FAM53A: variants seen among roughly 807,000 people sequenced by gnomAD.
The protein encoded by FAM53A is family with sequence similarity 53 member A.
In FAM53A, 28 loss-of-function variants were observed where a neutral mutation model predicts 26.6. The ratio of observed to expected loss-of-function variants is 1.05; its 90% confidence interval spans 0.78 to 1.45. The LOEUF (loss-of-function observed/expected upper bound fraction) is 1.45. FAM53A is among the 40% of genes most tolerant of loss of function. FAM53A has a pLI of 0.00. For synonymous variants in FAM53A, 290 were observed against 253.1 expected (o/e 1.15, Z -1.38); for missense variants, 650 against 575.8 (o/e 1.13, Z -1.32).
rs1715582512 is a variant in FAM53A at position 1,630,821 on chromosome 4, C to T, written c.432-12710G>A. On this transcript the variant is annotated intron_variant, in intron 1 of 1. Coordinates refer to the FAM53A transcript ENST00000489029. The surrounding 1 kb of genome is among the most constrained non-coding windows in gnomAD (Gnocchi z 4.3). ...GCGATGGGATAAAATGGTTTGGAAC[C>T]AGAGAGAGGCGGTGTCTGCACCATC... Among the ~76,000 whole-genome samples, 1 of 152,150 alleles carries T rather than the reference C, an allele frequency of 6.6e-6. No individual in the cohort carries two copies. The highest frequency in any genetic ancestry group is 2.4e-5 in the African/African-American group (1 of 41,436).
intron 4 of FAM53A, among the ~76,000 whole-genome samples, chr4:1,652,361 C>G (rs559600215): frequency 1.1e-3 from 160 of 146,580 alleles, no homozygotes; most frequent in African/African-American, 3.6e-3. Flanking sequence ...ACACGTCACA[C>G]GCACAACACA....
intron 3 of FAM53A, among the ~76,000 whole-genome samples, chr4:1,657,156 C>G (rs1023578128): frequency 1.3e-5 from 2 of 152,222 alleles, no homozygotes; most frequent in Non-Finnish European, 2.9e-5. Flanking sequence ...TGGGCCCCAC[C>G]AGCTGAGGAG....
chr4:1,659,143 G>A lies in FAM53A; in HGVS notation c.76-1675C>T, dbSNP rs150554346. ...GGGGTCCCACCTCAGCCAGCACGGC[G>A]GTGTGGAGCTGTGAGCACCCGGCCA... On this transcript the variant is annotated intron_variant, in intron 2 of 4. Transcript: ENST00000308132. This position sits in a 1 kb window ranked among gnomAD's most constrained non-coding sequence, Gnocchi z 5.2. Among the ~76,000 whole-genome samples, 951 of 152,348 alleles carry A rather than the reference G, an allele frequency of 6.2e-3. 12 individuals carry two copies. Among genetic ancestry groups the A allele is most frequent in the African/African-American group, 0.021 (892 of 41,576 alleles).
chr4:1,647,770 TG>T (rs1436874751), intron 4 of FAM53A, among the ~76,000 whole-genome samples: 1 of 151,744 alleles, frequency 6.6e-6, no homozygotes, highest in Admixed American at 6.6e-5. Flanking sequence ...CACATAAGCG[TG>T]GGGGTGAGTG....
chr4:1,613,223 A>C (rs540442669), downstream of FAM53A, among the ~76,000 whole-genome samples: 13 of 152,324 alleles, frequency 8.5e-5, no homozygotes, highest in South Asian at 1.2e-3. Context: ...ATTTACAAAG[A>C]ACAGAAAGGT....
At chr4:1,596,655 T>C in the FAM53A span, among the ~76,000 whole-genome samples, 1 of 152,132 alleles carries the variant, frequency 6.6e-6, no homozygotes, top group African/African-American at 2.4e-5. Context: ...ACTCACACGG[T>C]GTCCGCCCGC....
the FAM53A span, among the ~76,000 whole-genome samples, chr4:1,586,245 G>C: frequency 6.6e-6 from 1 of 151,934 alleles, no homozygotes; most frequent in Admixed American, 6.6e-5. Flanking sequence ...CCAGGCTGGA[G>C]TGCAGTGGCG....
In FAM53A at chr4:1,626,655, T is replaced by C. The variant is rs1715320110; in HGVS notation, c.432-8544A>G. The stretch of plus-strand genomic sequence containing the variant: ...CAGTGTAAACTCTCAGCCACGGCCA[T>C]GCCCTGAGCCCGGGGGGACCCGGGG... On this transcript the variant is annotated intron_variant, in intron 1 of 1. Transcript: ENST00000489029. Among the ~76,000 whole-genome samples the C allele has an allele frequency of 1.3e-5, 2 of 151,826 alleles. 1 individual carries two copies. Among genetic ancestry groups the C allele is most frequent in the South Asian group, 4.2e-4 (2 of 4,816 alleles).
chr4:1,599,431 G>T, the FAM53A span, among the ~76,000 whole-genome samples: 1 of 152,226 alleles, frequency 6.6e-6, no homozygotes, highest in African/African-American at 2.4e-5. This position sits in a 1 kb window ranked among gnomAD's most constrained non-coding sequence, Gnocchi z 6.1. Context: ...TCGCAGACAA[G>T]GAGACAAGGC....
the FAM53A span, among the ~76,000 whole-genome samples, chr4:1,592,892 T>C: frequency 6.6e-6 from 1 of 151,700 alleles, no homozygotes; most frequent in South Asian, 2.1e-4. Context: ...GAGGGGCGTC[T>C]GCAGGGCACA....
At chr4:1,625,593 G>T (rs1715254667) in intron 1 of FAM53A, among the ~76,000 whole-genome samples, 1 of 80,928 alleles carries the variant, frequency 1.2e-5, no homozygotes, top group Non-Finnish European at 2.5e-5. Flanking sequence ...CAGGTGATCA[G>T]AAGCCCCCAT....
At chr4:1,620,006 G>A (rs1402770134) in intron 1 of FAM53A, among the ~76,000 whole-genome samples, 1 of 151,596 alleles carries the variant, frequency 6.6e-6, no homozygotes, top group African/African-American at 2.4e-5. Flanking sequence ...TCAGGAGTTC[G>A]AGACCAGCCT....
the FAM53A span, among the ~76,000 whole-genome samples, chr4:1,596,722 C>T: frequency 1.3e-5 from 2 of 152,194 alleles, no homozygotes; most frequent in Non-Finnish European, 2.9e-5. Flanking sequence ...CGGGTTGCTT[C>T]CAGATTCCCA....
chr4:1,596,407 C>CT, the FAM53A span, among the ~76,000 whole-genome samples: 3 of 42,056 alleles, frequency 7.1e-5, no homozygotes, highest in East Asian at 5.2e-4. Context: ...CGCCCCCACC[C>CT]ACCTTCCCCA....
chr4:1,676,788 C>A (rs1327734161), intron 1 of FAM53A, among the ~76,000 whole-genome samples: 1 of 152,186 alleles, frequency 6.6e-6, no homozygotes, highest in Non-Finnish European at 1.5e-5. Context: ...CCACACCTCC[C>A]AATACGGCCG....
At chr4:1,580,176 C>T in the FAM53A span, 3 of 152,150 alleles carry the variant, frequency 2.0e-5, no homozygotes, top group Admixed American at 2.0e-4. Context: ...ATTCATGGTC[C>T]CTGTAATGAA....
chr4:1,642,661 G>A lies in FAM53A; in HGVS notation c.883-1054C>T, dbSNP rs545505294. ...AGGGCACCAGCCCCTCAGCACTCCC[G>A]GGCCCCCACCCCCCGCCACCTCCCA... is the stretch of plus-strand genomic sequence containing the variant. On this transcript the variant is annotated intron_variant, in intron 4 of 4. Transcript: ENST00000308132. Among the ~76,000 whole-genome samples, 101 of 151,680 alleles carry A rather than the reference G, an allele frequency of 6.7e-4. No individual in the cohort carries two copies. In the South Asian group the frequency reaches 0.02, roughly 29 times the overall value.
chr4:1,623,751 C>A (rs1715159420), intron 1 of FAM53A, among the ~76,000 whole-genome samples: 1 of 152,268 alleles, frequency 6.6e-6, no homozygotes, highest in Non-Finnish European at 1.5e-5. Flanking sequence ...CGTTACCATA[C>A]ATTCCCGGGG....
At position 1,618,218 on chromosome 4, in the gene FAM53A, C is replaced by T. The variant is rs553323604; in HGVS notation, c.432-107G>A. 2.2e-4 allele frequency: 101 copies of T among 451,318 alleles called. 1 individual carries two copies. Among genetic ancestry groups the T allele is most frequent in the South Asian group, 1.4e-3 (89 of 63,860 alleles). 28.0% of individuals were successfully genotyped at this position (451,318 alleles called of 1,614,324 possible). On this transcript the variant is annotated intron_variant, in intron 1 of 1. Coordinates refer to the FAM53A transcript ENST00000489029. ...GAGACAGTGAGGCTGGCCTTGAGCC[C>T]GAAGGCCCATCACGGCAGGGGTGCA... is the stretch of plus-strand genomic sequence containing the variant.
Sources: gnomAD v4.1 joint callset for allele counts (sites outside exome capture counted in the v4.1 genomes callset) on GRCh38, gnomAD v4.1.1 for gene constraint, Gnocchi (gnomAD v3.1) non-coding constraint, MANE v1.5 for transcripts, NCBI Gene and HGNC (gene_info 2026-07-23, HGNC 2026-07-21) for gene names.